Variants in IGLON5 observed in about 807,000 individuals in gnomAD.
IGLON5 encodes the protein Ig-like domain-containing protein ENSP00000270642.
A neutral mutation model predicts 38.2 loss-of-function variants in IGLON5; 16 were observed. The observed-to-expected ratio is 0.42, with a 90% CI of 0.28 to 0.64. The LOEUF is 0.64. Ranked by LOEUF, IGLON5 falls within the 30% of genes least tolerant of loss-of-function variation. The pLI is 0.23. For missense variants in IGLON5, 366 were observed against 483.4 expected, an observed-to-expected ratio of 0.76 and a Z score of 2.28; for synonymous variants, 207 against 216.4, an observed-to-expected ratio of 0.96 and a Z score of 0.38.
intron 1 of IGLON5, among the ~76,000 whole-genome samples, chr19:51,319,788 T>A (rs1985009317): frequency 6.6e-6 from 1 of 152,130 alleles, no homozygotes; most frequent in Non-Finnish European, 1.5e-5. Flanking sequence ...CATCACTGTA[T>A]ATACACACCT....
At chr19:51,321,542 A>G (rs1985056004) in intron 1 of IGLON5, among the ~76,000 whole-genome samples, 1 of 151,668 alleles carries the variant, frequency 6.6e-6, no homozygotes, top group Admixed American at 6.6e-5. Context: ...GTATCTGTGA[A>G]TGTATGTGTT....
chr19:51,318,371 C>T (rs2123517819), intron 1 of IGLON5, among the ~76,000 whole-genome samples: 1 of 152,286 alleles, frequency 6.6e-6, no homozygotes, highest in East Asian at 1.9e-4. Context: ...AGACAGTCAT[C>T]AGAGTGCAAT....
At position 51,330,419 on chromosome 19, in the gene IGLON5, A is replaced by G. The variant is rs1985329791; in HGVS notation, c.*1660A>G. The stretch of plus-strand genomic sequence containing the variant: ...AATGAAGGGCAAAGGGTAGCAGTCA[A>G]TTGGTGGTGCCTCTCCAGCATCATT... On this transcript the variant is annotated 3_prime_UTR_variant, in exon 8 of 8. Coordinates refer to ENST00000270642, the MANE Select transcript of IGLON5 (RefSeq NM_001101372.3). The G allele has an allele frequency of 6.6e-6, 1 of 152,220 alleles. No individual in the cohort carries two copies. The highest frequency in any genetic ancestry group is 2.4e-5 in the African/African-American group (1 of 41,452). 9.4% of individuals were successfully genotyped at this position (152,220 alleles called of 1,614,324 possible).
At position 51,325,475 on chromosome 19, in the gene IGLON5, C is replaced by A. The variant is rs753100197; in HGVS notation, c.511+10C>A. 1 of 1,606,806 alleles carries A rather than the reference C, an allele frequency of 6.2e-7. No individual in the cohort carries two copies. Among genetic ancestry groups the A allele is most frequent in the Admixed American group, 1.7e-5 (1 of 58,968 alleles). On this transcript the variant is annotated intron_variant, in intron 4 of 7. Transcript: ENST00000270642. The surrounding 1 kb of genome is among the most constrained non-coding windows in gnomAD (Gnocchi z 5.5). ...TGGAGACAGCTCCGAGGTGAGGACC[C>A]CATCCCAGGTCAAAAGCCCCGTCCC...
chr19:51,326,737 G>GC, intron 4 of IGLON5, 27 bp from the exon 5 acceptor site: 1 of 1,463,474 alleles, frequency 6.8e-7, no homozygotes, highest in Non-Finnish European at 9.2e-7. Flanking sequence ...GTCCGGCCCC[G>GC]CCCCCTCCTC....
chr19:51,327,934 G>A lies in IGLON5; in HGVS notation c.922+48G>A, dbSNP rs1271914759. On this transcript the variant is annotated intron_variant, in intron 7 of 7. Coordinates refer to ENST00000270642, the MANE Select transcript of IGLON5 (RefSeq NM_001101372.3). This position sits in a 1 kb window ranked among gnomAD's most constrained non-coding sequence, Gnocchi z 7.1. Reference sequence around the variant, plus strand: ...GCCGGGAAGGTGGGCGGGGCCGGGGGCGGGGCTAGGGAAGTGGAGACGCCG... The same window carrying A: ...GCCGGGAAGGTGGGCGGGGCCGGGGACGGGGCTAGGGAAGTGGAGACGCCG... 1 of 1,452,284 alleles carries A rather than the reference G, an allele frequency of 6.9e-7. No homozygotes were observed. The allele number at this position is 1,452,284 out of a possible 1,614,324, so 90.0% of individuals were successfully genotyped here.
chr19:51,330,649 A>T lies in IGLON5; in HGVS notation c.*1890A>T, dbSNP rs986468153. On this transcript the variant is annotated 3_prime_UTR_variant, in exon 8 of 8. Transcript: ENST00000270642. ...TGGATATTGTGGCTCCGTGATGTGA[A>T]GTCAACATCTGTAGGGTTGCTTTTC... 9.2e-5 allele frequency among the ~76,000 whole-genome samples: 14 copies of T among 152,198 alleles called. No homozygotes were observed. Among genetic ancestry groups the T allele is most frequent in the African/African-American group, 2.9e-4 (12 of 41,436 alleles).
In IGLON5 at chr19:51,317,613, C is replaced by T. The variant is rs148591663; in HGVS notation, c.80-4451C>T. On this transcript the variant is annotated intron_variant, in intron 1 of 7. Transcript: ENST00000270642. ...TCAGTGACTCAGAGCAACTGACAGC[C>T]CAGATACAGCCCTGCCCTCCCCGCT... 4.6e-5 allele frequency among the ~76,000 whole-genome samples: 7 copies of T among 152,268 alleles called. No individual in the cohort carries two copies. In the East Asian group the frequency reaches 1.4e-3, roughly 29 times the overall value.
rs1180773440 is a variant in IGLON5 at position 51,324,557 on chromosome 19, C to G, written c.391+663C>G. 6.6e-6 allele frequency among the ~76,000 whole-genome samples: 1 copy of G among 152,124 alleles called. No homozygotes were observed. Among genetic ancestry groups the G allele is most frequent in the African/African-American group, 2.4e-5 (1 of 41,424 alleles). ...AGCTCCAACTCTGGAGCCAGACTGC[C>G]TGGGTTCCAACCTCAGTGCCACCGT... On this transcript the variant is annotated intron_variant, in intron 3 of 7. Transcript: ENST00000270642. The surrounding 1 kb of genome is among the most constrained non-coding windows in gnomAD (Gnocchi z 4.2).
At chr19:51,318,498 A>G (rs1327767807) in intron 1 of IGLON5, among the ~76,000 whole-genome samples, 2 of 152,080 alleles carry the variant, frequency 1.3e-5, no homozygotes, top group Non-Finnish European at 2.9e-5. Flanking sequence ...CAATACCAAC[A>G]TTTGAGAGGC....
At position 51,329,173 on chromosome 19, in the gene IGLON5, G is replaced by A. The variant is rs1297709094; in HGVS notation, c.*414G>A. 2 of 160,120 alleles carry A rather than the reference G, an allele frequency of 1.2e-5. No homozygotes were observed. The highest frequency in any genetic ancestry group is 1.7e-4 in the South Asian group (1 of 6,016). The allele number at this position is 160,120 out of a possible 1,614,324, so 9.9% of individuals were successfully genotyped here. On this transcript the variant is annotated 3_prime_UTR_variant, in exon 8 of 8. Transcript: ENST00000270642. The surrounding 1 kb of genome is among the most constrained non-coding windows in gnomAD (Gnocchi z 4.3). Reference sequence around the variant, plus strand: ...GGGGAAGGGACTCAGCCGTCCTCCCGCCCCCAAAACCCCCATGTCCACTGT... The same window carrying A: ...GGGGAAGGGACTCAGCCGTCCTCCCACCCCCAAAACCCCCATGTCCACTGT...
chr19:51,312,760 C>T (rs370441622), intron 1 of IGLON5, among the ~76,000 whole-genome samples: 1 of 152,140 alleles, frequency 6.6e-6, no homozygotes, highest in African/African-American at 2.4e-5. Context: ...CGGCCCGGCC[C>T]GGCCCTCCCA....
At chr19:51,326,135 C>A (rs1361467215) in intron 4 of IGLON5, among the ~76,000 whole-genome samples, 3 of 150,884 alleles carry the variant, frequency 2.0e-5, no homozygotes, top group Non-Finnish European at 2.9e-5. Flanking sequence ...TCCTCATTCT[C>A]AGGGTCTTTG....
At position 51,325,157 on chromosome 19, in the gene IGLON5, C is replaced by G. The variant is rs34564964; in HGVS notation, c.392-189C>G. 0.22 allele frequency among the ~76,000 whole-genome samples: 33,708 copies of G among 150,804 alleles called. 3,969 individuals are homozygous for G. The highest frequency in any genetic ancestry group is 0.31 in the Middle Eastern group (90 of 290). Reference sequence around the variant, plus strand: ...GGAGAAGGGGCTGGGGTACTGGACTCTTGGGTCTGAGGGAAGAGGAACTGC... The same window carrying G: ...GGAGAAGGGGCTGGGGTACTGGACTGTTGGGTCTGAGGGAAGAGGAACTGC... On this transcript the variant is annotated intron_variant, in intron 3 of 7. Transcript: ENST00000270642. The surrounding 1 kb of genome is among the most constrained non-coding windows in gnomAD (Gnocchi z 5.5).
At position 51,327,615 on chromosome 19, in the gene IGLON5, T is replaced by C. The variant is rs1985249639; in HGVS notation, c.768-117T>C. 2.9e-6 allele frequency: 4 copies of C among 1,399,156 alleles called. No homozygotes were observed. In the East Asian group the frequency reaches 7.6e-5, roughly 26 times the overall value. 86.7% of individuals were successfully genotyped at this position (1,399,156 alleles called of 1,614,324 possible). A position where few individuals can be genotyped will look rare whatever the true frequency, so the allele number is the denominator to read the frequency against. ...CATGAGGTGCTAGAACCCGAGGCGA[T>C]GGGTCACTGGGGTAGGGGGCAGAAT... On this transcript the variant is annotated intron_variant, in intron 6 of 7. Coordinates refer to ENST00000270642, the MANE Select transcript of IGLON5 (RefSeq NM_001101372.3). This position sits in a 1 kb window ranked among gnomAD's most constrained non-coding sequence, Gnocchi z 7.1.
chr19:51,313,695 C>CTTTCTTTCTTTCTT (rs57541204), intron 1 of IGLON5, among the ~76,000 whole-genome samples: 5 of 51,300 alleles, frequency 9.7e-5, no homozygotes, highest in African/African-American at 2.5e-4. Context: ...TTCTTTCTTT[C>CTTTCTTTCTTTCTT]TTCTTTCTTC....
rs1182240615 is a variant in IGLON5 at position 51,329,428 on chromosome 19, G to T, written c.*669G>T. ...TGAGTAAGTGGGGGACCTCCATCTA[G>T]GCTCTGGGCTTCCCTGCTGTCAACC... On this transcript the variant is annotated 3_prime_UTR_variant, in exon 8 of 8. Coordinates refer to ENST00000270642, the MANE Select transcript of IGLON5 (RefSeq NM_001101372.3). The surrounding 1 kb of genome is among the most constrained non-coding windows in gnomAD (Gnocchi z 4.3). The T allele has an allele frequency of 6.6e-6, 1 of 152,212 alleles. No individual in the cohort carries two copies. The highest frequency in any genetic ancestry group is 1.5e-5 in the Non-Finnish European group (1 of 68,066). 9.4% of individuals were successfully genotyped at this position (152,212 alleles called of 1,614,324 possible). A position where few individuals can be genotyped will look rare whatever the true frequency, so the allele number is the denominator to read the frequency against.
intron 1 of IGLON5, among the ~76,000 whole-genome samples, chr19:51,320,419 G>A (rs907220212): frequency 1.3e-5 from 2 of 152,208 alleles, no homozygotes; most frequent in Non-Finnish European, 2.9e-5. Flanking sequence ...CACTCCAGAA[G>A]TCCAAGGTCA....
intron 1 of IGLON5, among the ~76,000 whole-genome samples, chr19:51,320,151 A>G (rs1376921865): frequency 2.6e-5 from 4 of 152,002 alleles, no homozygotes; most frequent in Non-Finnish European, 5.9e-5. Flanking sequence ...GGGGAGGGTG[A>G]GCCCCCTCTC....
Sources: allele counts gnomAD v4.1 joint callset (sites outside exome capture counted in the v4.1 genomes callset), GRCh38; gene constraint gnomAD v4.1.1; non-coding constraint Gnocchi (gnomAD v3.1); transcripts MANE v1.5; gene names NCBI Gene and HGNC (gene_info 2026-07-23, HGNC 2026-07-21).